Variants in TRPM2 observed in about 807,000 individuals in gnomAD.
TRPM2 encodes estrogen-responsive element-associated gene 1 protein.
Under a neutral mutation model 174.0 loss-of-function variants are expected in TRPM2, and 161 were observed. The observed-to-expected ratio is 0.93, with a 90% CI of 0.81 to 1.05. The LOEUF (loss-of-function observed/expected upper bound fraction) is 1.05. TRPM2 is among the 50% of genes least tolerant of loss of function. The probability of loss-of-function intolerance (pLI) is 0.00; values close to 1 mark genes in which losing one functional copy is unlikely to be tolerated. For missense variants in TRPM2, 2,057 were observed against 2,038.0 expected, an observed-to-expected ratio of 1.01 and a Z score of -0.18; for synonymous variants, 954 against 861.3, an observed-to-expected ratio of 1.11 and a Z score of -1.88.
intron 2 of TRPM2, among the ~76,000 whole-genome samples, chr21:44,358,891 G>A (rs1197016677): frequency 6.6e-6 from 1 of 152,188 alleles, no homozygotes; most frequent in Non-Finnish European, 1.5e-5. Context: ...GGGACCCAAA[G>A]AGTGAGCAGC....
At chr21:44,404,766 AG>A (rs1384214375) in intron 16 of TRPM2, among the ~76,000 whole-genome samples, 1 of 150,936 alleles carries the variant, frequency 6.6e-6, no homozygotes, top group African/African-American at 2.4e-5. Flanking sequence ...TAGTGATGAT[AG>A]TGACAGTGAC....
chr21:44,408,654 CTT>C (rs34026339), intron 19 of TRPM2, among the ~76,000 whole-genome samples: 2,574 of 102,702 alleles, frequency 0.025, 72 homozygotes, highest in African/African-American at 0.066. Context: ...CTCCTTTGCC[CTT>C]TTTTTTTTTT....
At chr21:44,375,439 T>C (rs1002122267) in intron 5 of TRPM2, among the ~76,000 whole-genome samples, 1 of 152,212 alleles carries the variant, frequency 6.6e-6, no homozygotes, top group African/African-American at 2.4e-5. Flanking sequence ...AACAGCAGCA[T>C]TGTGGTCTCT....
At chr21:44,430,340 A>C (rs1287751442) in intron 27 of TRPM2, among the ~76,000 whole-genome samples, 1 of 152,044 alleles carries the variant, frequency 6.6e-6, no homozygotes, top group Non-Finnish European at 1.5e-5. Flanking sequence ...AGGTGGAGAT[A>C]ATTATTTGTT....
chr21:44,383,109 G>A (rs759706097), intron 9 of TRPM2, among the ~76,000 whole-genome samples: 154 of 152,192 alleles, frequency 1.0e-3, no homozygotes, highest in Non-Finnish European at 2.0e-3. Flanking sequence ...GAAAGAAAGA[G>A]TGCAGAAGTT....
chr21:44,391,213 T>G lies in TRPM2; in HGVS notation c.1441-59T>G, dbSNP rs537153852. 1.7e-5 allele frequency: 27 copies of G among 1,556,382 alleles called. No homozygotes were observed. In the Admixed American group the frequency reaches 2.6e-4, roughly 15 times the overall value. ...GCCCCCATCTCCAGGGTCTTTGAGA[T>G]CAGGATGACATGGGGTGATGACCAA... On this transcript the variant is annotated intron_variant, in intron 10 of 31. Transcript: ENST00000397928. This position sits in a 1 kb window ranked among gnomAD's most constrained non-coding sequence, Gnocchi z 5.0.
intron 28 of TRPM2, among the ~76,000 whole-genome samples, chr21:44,436,101 A>G (rs966929498): frequency 1.3e-5 from 2 of 151,980 alleles, no homozygotes; most frequent in Non-Finnish European, 2.9e-5. Flanking sequence ...ACAGGGACAC[A>G]GCTCCACACT....
At position 44,413,940 on chromosome 21, in the gene TRPM2, C is replaced by A. The variant is rs760932918; in HGVS notation, c.3012C>A (p.Tyr1004Ter). ...GCAGCCCCAATGGCACCGACCCCTA[C>A]AAGCCTAAGTGCCCCGAGAGCGACG... ...EHCSPNGTDP[Y>*]KPKCPESDAT... The change falls in exon 20 of 32, where the codon TAC becomes TAA. Residue 1004 changes from tyrosine to a stop codon, truncating the protein, a stop_gained. Transcript: ENST00000397928. LOFTEE classifies it high-confidence loss of function. 21 of 1,613,902 alleles carry A rather than the reference C, an allele frequency of 1.3e-5. No homozygotes were observed. The highest frequency in any genetic ancestry group is 1.7e-5 in the Non-Finnish European group (20 of 1,180,004).
In TRPM2 at chr21:44,418,102, C is replaced by T. The variant is rs1294289136; in HGVS notation, c.3322C>T (p.Gln1108Ter). ...GAAGACTCCGGCCAAGAGGCACAAG[C>T]AGCTCAGTATGCCAGCCCCAGTGCC... ...VLKTPAKRHK[Q>*]LKNKLEKNEE... The change falls in exon 21 of 32, where the codon CAG (glutamine) becomes TAG (stop). Residue 1108 changes from glutamine (Q) to a stop codon, truncating the protein, a stop_gained. Transcript: ENST00000397928. LOFTEE classifies it high-confidence loss of function. 6.2e-7 allele frequency: 1 copy of T among 1,610,780 alleles called. No individual in the cohort carries two copies.
In TRPM2 at chr21:44,364,163, G is replaced by A. The variant is rs200823462; in HGVS notation, c.304G>A (p.Ala102Thr). Reference sequence around the variant, plus strand: ...CACGCATGAGCAGCACTTGGAGGAGGCTACCAAGCCCCACACCTTCCAGGG... The same window carrying A: ...CACGCATGAGCAGCACTTGGAGGAGACTACCAAGCCCCACACCTTCCAGGG... ...GYTHEQHLEE[A>T]TKPHTFQGTQ... Residue 102 changes from alanine (A) to threonine (T), a missense_variant, in exon 3 of 32, where the codon GCT (alanine) becomes ACT (threonine). Physicochemically the swap from Ala to Thr is moderately conservative, Grantham distance 58 (BLOSUM62 0). Transcript: ENST00000397928. The A allele has an allele frequency of 5.4e-5, 87 of 1,614,152 alleles. No individual in the cohort carries two copies. The African/African-American group carries it at 1.0e-3, about 19-fold the overall frequency.
intron 9 of TRPM2, among the ~76,000 whole-genome samples, chr21:44,387,241 T>C (rs2049041106): frequency 6.6e-6 from 1 of 152,122 alleles, no homozygotes; most frequent in Admixed American, 6.5e-5. Context: ...AGCCCAAAAA[T>C]AAACCCTCGC....
intron 12 of TRPM2, among the ~76,000 whole-genome samples, 166 bp from the exon 13 acceptor site, chr21:44,397,580 TG>T (rs45623031): frequency 0.034 from 5,104 of 152,160 alleles, 249 homozygotes; most frequent in African/African-American, 0.1. Flanking sequence ...GTGTATTGAC[TG>T]GGGTGGGGCT....
chr21:44,391,226 G>C lies in TRPM2; in HGVS notation c.1441-46G>C. 1.9e-6 allele frequency: 3 copies of C among 1,570,876 alleles called. No individual in the cohort carries two copies. The highest frequency in any genetic ancestry group is 2.6e-6 in the Non-Finnish European group (3 of 1,151,198). ...GGGTCTTTGAGATCAGGATGACATG[G>C]GGTGATGACCAAATGCAACCGTCAC... On this transcript the variant is annotated intron_variant, in intron 10 of 31. Transcript: ENST00000397928. This position sits in a 1 kb window ranked among gnomAD's most constrained non-coding sequence, Gnocchi z 5.0.
intron 19 of TRPM2, among the ~76,000 whole-genome samples, chr21:44,408,533 G>T (rs950485752): frequency 6.6e-6 from 1 of 151,534 alleles, no homozygotes; most frequent in Admixed American, 6.6e-5. Flanking sequence ...GTGAGAAGTG[G>T]CTCTCCTTGT....
chr21:44,430,905 TA>T (rs966923621), intron 27 of TRPM2, among the ~76,000 whole-genome samples: 4 of 7,678 alleles, frequency 5.2e-4, no homozygotes, highest in Admixed American at 1.1e-3. Flanking sequence ...ATTTAAAAAA[TA>T]ATATAAATAT....
At chr21:44,408,484 T>C (rs372300817) in intron 19 of TRPM2, among the ~76,000 whole-genome samples, 1 of 151,922 alleles carries the variant, frequency 6.6e-6, no homozygotes, top group East Asian at 1.9e-4. Flanking sequence ...TCAACATTTG[T>C]TATTGTCCAT....
intron 30 of TRPM2, 33 bp from the exon 31 acceptor site, chr21:44,440,756 C>G: frequency 6.3e-7 from 1 of 1,594,662 alleles, no homozygotes; most frequent in Middle Eastern, 1.7e-4. Flanking sequence ...AGGTGTCCCT[C>G]GCTGTCGGGC....
intron 22 of TRPM2, among the ~76,000 whole-genome samples, chr21:44,419,959 G>A (rs533007735): frequency 9.8e-4 from 149 of 151,774 alleles, no homozygotes; most frequent in African/African-American, 3.1e-3. Flanking sequence ...TGGTGGTGAC[G>A]ATGGTGGATG....
chr21:44,356,077 GC>G, intron 2 of TRPM2, among the ~76,000 whole-genome samples: 1 of 139,698 alleles, frequency 7.2e-6, no homozygotes, highest in African/African-American at 2.6e-5. Context: ...GGGCGCGGTG[GC>G]TCACGCCTGT....
Sources: allele counts gnomAD v4.1 joint callset (sites outside exome capture counted in the v4.1 genomes callset), GRCh38; gene constraint gnomAD v4.1.1; non-coding constraint Gnocchi (gnomAD v3.1); transcripts MANE v1.5; gene names NCBI Gene and HGNC (gene_info 2026-07-23, HGNC 2026-07-21).